Variants in PTGFRN observed in about 807,000 individuals in gnomAD.
The protein encoded by PTGFRN is prostaglandin F2 receptor inhibitor, also known as prostaglandin F2 receptor negative regulator.
PTGFRN carries 35 observed loss-of-function variants against 83.2 expected under a neutral mutation model. That is an observed-to-expected ratio of 0.42 (90% CI 0.32 to 0.56). PTGFRN has a LOEUF of 0.56. Ranked by LOEUF, PTGFRN falls within the 20% of genes least tolerant of loss-of-function variation. The probability of loss-of-function intolerance (pLI) is 0.11; values close to 1 mark genes in which losing one functional copy is unlikely to be tolerated. For synonymous variants in PTGFRN, 519 were observed against 498.6 expected (o/e 1.04, Z -0.55); for missense variants, 1,051 against 1,179.5 (o/e 0.89, Z 1.60).
chr1:116,925,855 A>G (rs968076631), intron 1 of PTGFRN, among the ~76,000 whole-genome samples: 3 of 152,202 alleles, frequency 2.0e-5, no homozygotes, highest in Admixed American at 6.5e-5. Flanking sequence ...GCGTGCAGCA[A>G]AAAAATACTG....
intron 7 of PTGFRN, 63 bp downstream of exon 7, chr1:116,974,386 C>T (rs112754590): frequency 2.0e-4 from 253 of 1,270,456 alleles, no homozygotes; most frequent in Middle Eastern, 1.1e-3. Context: ...TCATATCATC[C>T]GCACTGTGTT....
rs545530253 is a variant in PTGFRN, at chr1:116,970,304, T to A, written c.2059+2974T>A. 2.0e-5 allele frequency among the ~76,000 whole-genome samples: 3 copies of A among 151,758 alleles called. No homozygotes were observed. The South Asian group carries it at 6.3e-4, about 32-fold the overall frequency. ...CTAGTGTGTTTCCTTCCATTCTTAG[T>A]TTTTTTTTCATTCCTAGTTTGTTGA... On this transcript the variant is annotated intron_variant, in intron 6 of 8. Coordinates refer to ENST00000393203, the MANE Select transcript of PTGFRN (RefSeq NM_020440.4).
At chr1:116,986,703 G>T (rs971496650) in intron 8 of PTGFRN, 98 bp from the exon 9 acceptor site, 51 of 1,221,960 alleles carry the variant, frequency 4.2e-5, no homozygotes, top group Non-Finnish European at 5.4e-5. Context: ...CTTATCTCTC[G>T]GGAGATCCTG....
Position 116,974,273 on chromosome 1 carries a change from T to G in PTGFRN, c.2117T>G (p.Leu706Arg). 2.5e-6 allele frequency: 4 copies of G among 1,613,722 alleles called. No homozygotes were observed. The highest frequency in any genetic ancestry group is 3.4e-6 in the Non-Finnish European group (4 of 1,179,582). ...SDTPSVIRGD[L>R]IKLFCIITVE... is the part of the protein sequence containing the mutation. ...ACACCATCAGTAATTCGGGGAGATCTGATCAAATTGTTCTGTATCATCACT... is the reference window on the plus strand; with the variant it reads ...ACACCATCAGTAATTCGGGGAGATCGGATCAAATTGTTCTGTATCATCACT... The change falls in exon 7 of 9, where the codon CTG (leucine) becomes CGG (arginine). Residue 706 changes from leucine (L) to arginine (R), a missense_variant. By Grantham distance (102) the Leu-to-Arg change is moderately radical. This residue lies in a region of PTGFRN where 719 missense variants were observed against 836.6 expected (regional missense o/e 0.86). Transcript: ENST00000393203.
At chr1:116,985,764 G>A (rs539470561) in intron 8 of PTGFRN, among the ~76,000 whole-genome samples, 1 of 151,504 alleles carries the variant, frequency 6.6e-6, no homozygotes, top group African/African-American at 2.4e-5. Flanking sequence ...GGTACTTCAC[G>A]GAGCCCCAAG....
intron 6 of PTGFRN, among the ~76,000 whole-genome samples, chr1:116,972,028 G>A (rs1651013725): frequency 6.6e-6 from 1 of 152,136 alleles, no homozygotes; most frequent in African/African-American, 2.4e-5. Context: ...CACCATGGTT[G>A]CTGCTAACCT....
At chr1:116,976,325 C>G (rs1651154464) in intron 7 of PTGFRN, among the ~76,000 whole-genome samples, 1 of 152,140 alleles carries the variant, frequency 6.6e-6, no homozygotes, top group East Asian at 1.9e-4. Context: ...TAGAACTTCC[C>G]CAACCTAGCA....
intron 1 of PTGFRN, among the ~76,000 whole-genome samples, chr1:116,930,629 A>G (rs984621466): frequency 1.3e-5 from 2 of 151,972 alleles, no homozygotes; most frequent in African/African-American, 4.8e-5. Flanking sequence ...CTACCAGTTG[A>G]CCCTTCCTCT....
chr1:116,950,652 T>C (rs1049740177), intron 4 of PTGFRN, among the ~76,000 whole-genome samples: 3 of 152,032 alleles, frequency 2.0e-5, no homozygotes, highest in Admixed American at 6.6e-5. Flanking sequence ...CTTTTTTTTT[T>C]CCTCCCCAGT....
At chr1:116,931,512 AATG>A (rs1345464171) in intron 1 of PTGFRN, among the ~76,000 whole-genome samples, 1 of 134,280 alleles carries the variant, frequency 7.4e-6, no homozygotes, top group Non-Finnish European at 1.6e-5. Flanking sequence ...TTTTTTTTTT[AATG>A]ATTATAAGCA....
intron 4 of PTGFRN, among the ~76,000 whole-genome samples, chr1:116,957,337 G>T (rs772440489): frequency 2.6e-5 from 4 of 151,938 alleles, no homozygotes; most frequent in Non-Finnish European, 5.9e-5. Flanking sequence ...TTTCATGTCT[G>T]GGGGAGTGAG....
chr1:116,982,273 C>T (rs1651340690), intron 7 of PTGFRN, among the ~76,000 whole-genome samples: 1 of 152,054 alleles, frequency 6.6e-6, no homozygotes, highest in African/African-American at 2.4e-5. Flanking sequence ...AAGCCTTTTC[C>T]TCCAGTGTAA....
At chr1:116,956,195 A>T (rs1385095123) in intron 4 of PTGFRN, among the ~76,000 whole-genome samples, 1 of 152,192 alleles carries the variant, frequency 6.6e-6, no homozygotes, top group Non-Finnish European at 1.5e-5. Context: ...AGGCTGGTGG[A>T]TAGCTCAAAT....
chr1:116,956,705 G>A (rs970206344), intron 4 of PTGFRN, among the ~76,000 whole-genome samples: 7 of 152,194 alleles, frequency 4.6e-5, no homozygotes, highest in African/African-American at 1.7e-4. Flanking sequence ...AACTCAGTAG[G>A]TGAGGGAAGA....
At chr1:116,924,704 T>G (rs191121025) in intron 1 of PTGFRN, among the ~76,000 whole-genome samples, 69 of 152,342 alleles carry the variant, frequency 4.5e-4, no homozygotes, top group African/African-American at 1.6e-3. Flanking sequence ...GAAGGGCTAT[T>G]TTTGAAAATT....
chr1:116,934,784 CTTCTATCTGAGAAGATTTACT>C (rs1553241347), intron 1 of PTGFRN, among the ~76,000 whole-genome samples: 2 of 152,156 alleles, frequency 1.3e-5, no homozygotes, highest in Non-Finnish European at 2.9e-5. Flanking sequence ...ATGATGTCAT[CTTCTATCTGAGAAGATTTACT>C]TTTTTCCTAA....
At chr1:116,940,669 T>C (rs1376909236) in intron 1 of PTGFRN, among the ~76,000 whole-genome samples, 1 of 152,212 alleles carries the variant, frequency 6.6e-6, no homozygotes, top group Non-Finnish European at 1.5e-5. Flanking sequence ...TTTATTTCAT[T>C]AACTCAGTGA....
Position 116,910,127 on chromosome 1 carries a change from C to T in PTGFRN, c.-77C>T. 2 of 1,457,160 alleles carry T rather than the reference C, an allele frequency of 1.4e-6. No individual in the cohort carries two copies. Among genetic ancestry groups the T allele is most frequent in the East Asian group, 2.6e-5 (1 of 37,958 alleles). The allele number at this position is 1,457,160 out of a possible 1,614,324, so 90.3% of individuals were successfully genotyped here. On this transcript the variant is annotated 5_prime_UTR_variant, in exon 1 of 9. Coordinates refer to ENST00000393203, the MANE Select transcript of PTGFRN (RefSeq NM_020440.4). ...CGGAGGAGCGCCGACTCTGGAGCAG[C>T]CGGAGCTGGAAGAGGAGGAGGAGGA...
intron 1 of PTGFRN, among the ~76,000 whole-genome samples, chr1:116,931,881 G>A (rs977233708): frequency 3.9e-5 from 6 of 152,132 alleles, no homozygotes; most frequent in Non-Finnish European, 5.9e-5. Context: ...AAGGACTCGG[G>A]AAGTGGGAAT....
Sources: allele counts gnomAD v4.1 joint callset (sites outside exome capture counted in the v4.1 genomes callset), GRCh38; gene constraint gnomAD v4.1.1; regional missense constraint gnomAD v4.1.1; transcripts MANE v1.5; gene names NCBI Gene and HGNC (gene_info 2026-07-23, HGNC 2026-07-21).